Variants in MRPS11 observed in about 807,000 individuals in gnomAD.
MRPS11 encodes small ribosomal subunit protein uS11m.
A neutral mutation model predicts 24.3 loss-of-function variants in MRPS11; 27 were observed. That is an observed-to-expected ratio of 1.11 (90% CI 0.82 to 1.53). MRPS11 has a LOEUF of 1.53. Among genes scored for constraint, MRPS11 ranks in the 40% most tolerant of loss-of-function variants. The pLI is 0.00. For synonymous variants in MRPS11, 104 were observed against 98.7 expected, an observed-to-expected ratio of 1.05 and a Z score of -0.32; for missense variants, 277 against 256.5, an observed-to-expected ratio of 1.08 and a Z score of -0.55.
intron 3 of MRPS11, among the ~76,000 whole-genome samples, chr15:88,474,490 C>T (rs1039042602): frequency 3.3e-5 from 5 of 150,222 alleles, no homozygotes; most frequent in Non-Finnish European, 7.4e-5. Flanking sequence ...ACCCGGGAGG[C>T]GGAGGTTACT....
intron 3 of MRPS11, 132 bp downstream of exon 3, chr15:88,472,857 A>G: frequency 4.8e-6 from 3 of 624,394 alleles, no homozygotes; most frequent in Non-Finnish European, 8.3e-6. Context: ...GCGCTAATGT[A>G]GGGCACCGTC....
chr15:88,474,037 G>A (rs897936887), intron 3 of MRPS11, among the ~76,000 whole-genome samples: 3 of 151,886 alleles, frequency 2.0e-5, no homozygotes, highest in South Asian at 2.1e-4. Context: ...TTAGCCAGGC[G>A]TGGTGGCATG....
rs375134132 is a variant in MRPS11, at chr15:88,475,270, G to A, written c.411+31G>A. ...TGTGTGTTCCTTCTGCTTCCTTCTA[G>A]TGTGTGTTTGCTTTCTGCATGGCTC... On this transcript the variant is annotated intron_variant, in intron 4 of 5. Transcript: ENST00000325844. This position sits in a 1 kb window ranked among gnomAD's most constrained non-coding sequence, Gnocchi z 4.1. 3.1e-5 allele frequency: 50 copies of A among 1,613,362 alleles called. No homozygotes were observed. In the African/African-American group the frequency reaches 6.0e-4, roughly 19 times the overall value.
In MRPS11 at chr15:88,469,736, T is replaced by C. The variant is rs1457494058; in HGVS notation, c.182+1712T>C. The stretch of plus-strand genomic sequence containing the variant: ...AGTCCTCTAAGCAGTTAGAAGACTA[T>C]TGAAATAATCCAGACAAGAAACAAT... On this transcript the variant is annotated intron_variant, in intron 2 of 5. Transcript: ENST00000325844. This position sits in a 1 kb window ranked among gnomAD's most constrained non-coding sequence, Gnocchi z 4.4. 2.0e-5 allele frequency among the ~76,000 whole-genome samples: 3 copies of C among 152,138 alleles called. No homozygotes were observed. Among genetic ancestry groups the C allele is most frequent in the Non-Finnish European group, 2.9e-5 (2 of 68,032 alleles).
chr15:88,467,926 GC>G lies in MRPS11; in HGVS notation c.86del (p.Pro29ArgfsTer45). ...TTCCCAGCAGGGTCGTGGCCAGAAC[GC>G]CGGCCGGGACCATCTGCACAGGCGC... Reference protein sequence around the residue: ...QTAGRVVARTPAGTICTGARQ... With the variant: ...QTAGRVVARTXAGTICTGARQ... On this transcript the variant is annotated frameshift_variant, in exon 2 of 6. Coordinates refer to ENST00000325844, the MANE Select transcript of MRPS11 (RefSeq NM_022839.5). LOFTEE classifies it high-confidence loss of function. The G allele has an allele frequency of 6.2e-7, 1 of 1,613,646 alleles. No individual in the cohort carries two copies. Among genetic ancestry groups the G allele is most frequent in the African/African-American group, 1.3e-5 (1 of 75,040 alleles).
intron 4 of MRPS11, 107 bp from the exon 5 acceptor site, chr15:88,476,882 A>G (rs559223070): frequency 1.8e-6 from 2 of 1,096,594 alleles, no homozygotes; most frequent in Admixed American, 4.1e-5. Flanking sequence ...ACTTCTCTGG[A>G]TGCCCTTTCC....
chr15:88,477,651 A>G lies in MRPS11; in HGVS notation c.478-221A>G, dbSNP rs1388523768. On this transcript the variant is annotated intron_variant, in intron 5 of 5. Coordinates refer to ENST00000325844, the MANE Select transcript of MRPS11 (RefSeq NM_022839.5). This position sits in a 1 kb window ranked among gnomAD's most constrained non-coding sequence, Gnocchi z 5.7. The stretch of plus-strand genomic sequence containing the variant: ...GTGCAAAGTGGAAAGTGGTGGGTAC[A>G]GTTTGAGAGGGGAACAGTGTGAAAA... Among the ~76,000 whole-genome samples the G allele has an allele frequency of 6.6e-6, 1 of 152,176 alleles. No individual in the cohort carries two copies. Among genetic ancestry groups the G allele is most frequent in the Non-Finnish European group, 1.5e-5 (1 of 68,014 alleles).
intron 3 of MRPS11, among the ~76,000 whole-genome samples, chr15:88,473,814 C>T (rs1031410218): frequency 1.3e-5 from 2 of 152,142 alleles, no homozygotes; most frequent in East Asian, 3.9e-4. Context: ...ATGATGATGA[C>T]TAAAGGGGAA....
rs141800496 is a variant in MRPS11, at chr15:88,477,521, A to G, written c.478-351A>G. ...TCAGGGAGGTGGAGGCACAGCAGGT[A>G]CGGGGGGACATTGCAGGCAGAGAAA... On this transcript the variant is annotated intron_variant, in intron 5 of 5. Transcript: ENST00000325844. This position sits in a 1 kb window ranked among gnomAD's most constrained non-coding sequence, Gnocchi z 5.7. Among the ~76,000 whole-genome samples the G allele has an allele frequency of 6.6e-6, 1 of 152,324 alleles. No individual in the cohort carries two copies. Among genetic ancestry groups the G allele is most frequent in the Admixed American group, 6.5e-5 (1 of 15,312 alleles).
chr15:88,477,192 T>C lies in MRPS11; in HGVS notation c.477+138T>C. On this transcript the variant is annotated intron_variant, in intron 5 of 5. Coordinates refer to ENST00000325844, the MANE Select transcript of MRPS11 (RefSeq NM_022839.5). This position sits in a 1 kb window ranked among gnomAD's most constrained non-coding sequence, Gnocchi z 5.7. ...TTGCTTGAAGTTCCCGTCTGTTGTT[T>C]CTATAATTGACCAAGCCCCTCAGAG... The C allele has an allele frequency of 2.5e-6, 2 of 811,848 alleles. No homozygotes were observed. The highest frequency in any genetic ancestry group is 4.0e-6 in the Non-Finnish European group (2 of 495,692). 50.3% of individuals were successfully genotyped at this position (811,848 alleles called of 1,614,324 possible).
At chr15:88,476,404 C>T (rs1410066147) in intron 4 of MRPS11, among the ~76,000 whole-genome samples, 1 of 152,130 alleles carries the variant, frequency 6.6e-6, no homozygotes, top group Non-Finnish European at 1.5e-5. Context: ...CAAGGGAAGG[C>T]ACCCCAAAAT....
Position 88,475,793 on chromosome 15 carries a change from C to T in MRPS11, c.411+554C>T, listed in dbSNP as rs2142218875. 6.6e-6 allele frequency among the ~76,000 whole-genome samples: 1 copy of T among 152,158 alleles called. No individual in the cohort carries two copies. The highest frequency in any genetic ancestry group is 1.5e-5 in the Non-Finnish European group (1 of 67,984). On this transcript the variant is annotated intron_variant, in intron 4 of 5. Coordinates refer to ENST00000325844, the MANE Select transcript of MRPS11 (RefSeq NM_022839.5). The surrounding 1 kb of genome is among the most constrained non-coding windows in gnomAD (Gnocchi z 4.1). Reference sequence around the variant, plus strand: ...CCAACATGGTGAAACCCCATCTCTACTAAAAATAGAAAAATTAGCTGGGCG... The same window carrying T: ...CCAACATGGTGAAACCCCATCTCTATTAAAAATAGAAAAATTAGCTGGGCG...
At chr15:88,468,262 A>T in intron 2 of MRPS11, 4 of 1,345,604 alleles carry the variant, frequency 3.0e-6, no homozygotes, top group Non-Finnish European at 3.8e-6. Context: ...CGTTAAATCA[A>T]TGAGTGAATG....
chr15:88,475,120 CA>C lies in MRPS11; in HGVS notation c.293del (p.Gln98ArgfsTer2). The stretch of plus-strand genomic sequence containing the variant: ...TTCTACTTTTCTCAGCACACAGATC[CA>C]GGTAGTCTCTGCTAGTAATGAGCCC... The part of the protein sequence containing the change: ...IKASHNNTQI[Q>X]VVSASNEPLA... On this transcript the variant is annotated frameshift_variant, in exon 4 of 6. Transcript: ENST00000325844. LOFTEE classifies it high-confidence loss of function. This position sits in a 1 kb window ranked among gnomAD's most constrained non-coding sequence, Gnocchi z 4.1. 1.2e-6 allele frequency: 2 copies of C among 1,614,182 alleles called. No homozygotes were observed. Among genetic ancestry groups the C allele is most frequent in the Non-Finnish European group, 1.7e-6 (2 of 1,180,026 alleles).
chr15:88,468,122 CT>C lies in MRPS11; in HGVS notation c.182+100del, dbSNP rs996830075. 2.9e-5 allele frequency: 43 copies of C among 1,498,208 alleles called. No individual in the cohort carries two copies. The African/African-American group carries it at 4.5e-4, about 16-fold the overall frequency. 92.8% of individuals were successfully genotyped at this position (1,498,208 alleles called of 1,614,324 possible). A position where few individuals can be genotyped will look rare whatever the true frequency, so the allele number is the denominator to read the frequency against. ...AACCAGTGAATTTTCAGCTATGTCACTTGCTATCCGTGGGACCTTATGCAAA... is the reference window on the plus strand; with the variant it reads ...AACCAGTGAATTTTCAGCTATGTCACTGCTATCCGTGGGACCTTATGCAAA... On this transcript the variant is annotated intron_variant, in intron 2 of 5. Coordinates refer to ENST00000325844, the MANE Select transcript of MRPS11 (RefSeq NM_022839.5).
intron 3 of MRPS11, among the ~76,000 whole-genome samples, chr15:88,474,079 G>A (rs572406978): frequency 6.6e-6 from 1 of 152,312 alleles, no homozygotes; most frequent in African/African-American, 2.4e-5. Flanking sequence ...GGGAGGCTGA[G>A]GTGGGAGGAT....
In MRPS11 at chr15:88,469,364, G is replaced by T. The variant is rs142189308; in HGVS notation, c.182+1340G>T. On this transcript the variant is annotated intron_variant, in intron 2 of 5. Transcript: ENST00000325844. The surrounding 1 kb of genome is among the most constrained non-coding windows in gnomAD (Gnocchi z 4.4). ...GTAGTCATTTCTTCAACAATGCCAG[G>T]CACTGTTCAGAGTGTTGGGGATATA... 6.6e-6 allele frequency among the ~76,000 whole-genome samples: 1 copy of T among 152,364 alleles called. No individual in the cohort carries two copies. Among genetic ancestry groups the T allele is most frequent in the East Asian group, 1.9e-4 (1 of 5,196 alleles).
Position 88,475,300 on chromosome 15 carries a change from C to A in MRPS11, c.411+61C>A. 2 of 1,604,660 alleles carry A rather than the reference C, an allele frequency of 1.2e-6. No individual in the cohort carries two copies. The highest frequency in any genetic ancestry group is 1.7e-6 in the Non-Finnish European group (2 of 1,175,602). On this transcript the variant is annotated intron_variant, in intron 4 of 5. Coordinates refer to ENST00000325844, the MANE Select transcript of MRPS11 (RefSeq NM_022839.5). This position sits in a 1 kb window ranked among gnomAD's most constrained non-coding sequence, Gnocchi z 4.1. ...TGTTTGCTTTCTGCATGGCTCATCA[C>A]TGAGTGGAGAATCCTCATTATACTA...
Position 88,477,406 on chromosome 15 carries a change from G to T in MRPS11, c.477+352G>T, listed in dbSNP as rs1411038725. Reference sequence around the variant, plus strand: ...ATCAGGGGATCCCGAACCTAGCAGGGATAATCTTTCCTGATGATCATTAGC... The same window carrying T: ...ATCAGGGGATCCCGAACCTAGCAGGTATAATCTTTCCTGATGATCATTAGC... On this transcript the variant is annotated intron_variant, in intron 5 of 5. Coordinates refer to ENST00000325844, the MANE Select transcript of MRPS11 (RefSeq NM_022839.5). This position sits in a 1 kb window ranked among gnomAD's most constrained non-coding sequence, Gnocchi z 5.7. 6.6e-6 allele frequency among the ~76,000 whole-genome samples: 1 copy of T among 152,206 alleles called. No homozygotes were observed. The highest frequency in any genetic ancestry group is 1.5e-5 in the Non-Finnish European group (1 of 68,040).
Sources: gnomAD v4.1 joint callset for allele counts (sites outside exome capture counted in the v4.1 genomes callset) on GRCh38, gnomAD v4.1.1 for gene constraint, Gnocchi (gnomAD v3.1) non-coding constraint, MANE v1.5 for transcripts, NCBI Gene and HGNC (gene_info 2026-07-23, HGNC 2026-07-21) for gene names.